CNTNAP2: variants seen among roughly 807,000 people sequenced by gnomAD.
CNTNAP2 encodes the protein contactin associated protein 2.
Under a neutral mutation model 155.2 loss-of-function variants are expected in CNTNAP2, and 98 were observed. The observed-to-expected ratio is 0.63, with a 90% CI of 0.54 to 0.75. The LOEUF (loss-of-function observed/expected upper bound fraction) is 0.75, where lower values mean the gene tolerates loss of function less well. Ranked by LOEUF, CNTNAP2 falls within the 30% of genes least tolerant of loss-of-function variation. The probability of loss-of-function intolerance (pLI) is 0.00; values close to 1 mark genes in which losing one functional copy is unlikely to be tolerated. For missense variants in CNTNAP2, 1,727 were observed against 1,688.1 expected, an observed-to-expected ratio of 1.02 and a Z score of -0.40; for synonymous variants, 651 against 631.2, an observed-to-expected ratio of 1.03 and a Z score of -0.47.
intron 13 of CNTNAP2, among the ~76,000 whole-genome samples, chr7:147,668,566 C>T (rs191079630): frequency 4.0e-5 from 6 of 151,868 alleles, no homozygotes; most frequent in Admixed American, 3.3e-4. Context: ...GCCTAGGCTA[C>T]TGTGTGTGTT....
chr7:147,225,791 G>GA (rs1246002438), intron 8 of CNTNAP2, among the ~76,000 whole-genome samples: 1 of 127,298 alleles, frequency 7.9e-6, no homozygotes, highest in African/African-American at 2.9e-5. Context: ...AGGAAGGAAG[G>GA]AAGGAAGGAA....
intron 15 of CNTNAP2, among the ~76,000 whole-genome samples, chr7:148,115,607 A>T (rs10272084): frequency 0.14 from 20,876 of 151,996 alleles, 1,551 homozygotes; most frequent in Admixed American, 0.18. Context: ...GCGAGAGCGT[A>T]GATTTAGGTT....
chr7:147,503,532 CCGT>C (rs1798855531), intron 11 of CNTNAP2, among the ~76,000 whole-genome samples: 1 of 152,114 alleles, frequency 6.6e-6, no homozygotes, highest in Non-Finnish European at 1.5e-5. Flanking sequence ...TTTCCCAGCT[CCGT>C]TATGCCATCC....
chr7:147,497,565 TTGTC>T (rs1281244539), intron 11 of CNTNAP2, among the ~76,000 whole-genome samples: 2 of 152,228 alleles, frequency 1.3e-5, no homozygotes, highest in African/African-American at 4.8e-5. Context: ...CTCTAAGAAT[TTGTC>T]TGTGAAGAGG....
chr7:147,177,790 G>A (rs1301041552), intron 8 of CNTNAP2, among the ~76,000 whole-genome samples: 1 of 151,988 alleles, frequency 6.6e-6, no homozygotes, highest in Non-Finnish European at 1.5e-5. Flanking sequence ...TCAGCACATG[G>A]GTAGGCTAAT....
chr7:148,396,424 C>A (rs1799469007), intron 22 of CNTNAP2, among the ~76,000 whole-genome samples: 1 of 152,154 alleles, frequency 6.6e-6, no homozygotes. Context: ...GAGCACAACA[C>A]CCTCTAAATT....
chr7:147,692,718 G>A (rs570389791), intron 13 of CNTNAP2, among the ~76,000 whole-genome samples: 2 of 152,066 alleles, frequency 1.3e-5, no homozygotes, highest in South Asian at 4.2e-4. Context: ...TGTTTTAAGA[G>A]GGCTTTTTTC....
intron 11 of CNTNAP2, among the ~76,000 whole-genome samples, chr7:147,503,065 C>T (rs565708633): frequency 6.6e-6 from 1 of 152,250 alleles, no homozygotes; most frequent in South Asian, 2.1e-4. Flanking sequence ...CTGGTCAAAA[C>T]AACAGAAATT....
chr7:146,355,644 TTCCTACTTAAA>T (rs1794986390), intron 1 of CNTNAP2, among the ~76,000 whole-genome samples: 1 of 152,314 alleles, frequency 6.6e-6, no homozygotes, highest in Admixed American at 6.5e-5. Flanking sequence ...TCCTGCTTAA[TTCCTACTTAAA>T]TACAGTTAGA....
At position 147,309,321 on chromosome 7, in the gene CNTNAP2, C is replaced by A. The variant is rs888261917; in HGVS notation, c.1498+9031C>A. ...AAAGCAAAAGCCAACTTTTTCTAAC[C>A]AAATGACTAACAATTTATTAAATTT... On this transcript the variant is annotated intron_variant, in intron 9 of 23. Transcript: ENST00000361727. 2.6e-5 allele frequency among the ~76,000 whole-genome samples: 4 copies of A among 152,052 alleles called. No individual in the cohort carries two copies. The South Asian group carries it at 8.3e-4, about 31-fold the overall frequency.
Position 148,365,815 on chromosome 7 carries a change from T to C in CNTNAP2, c.3476-17834T>C, listed in dbSNP as rs557137082. On this transcript the variant is annotated intron_variant, in intron 21 of 23. Transcript: ENST00000361727. Reference sequence around the variant, plus strand: ...GTATACATGCATGTGTATGCATGTATACATGCATGTGTATGCATGTATACA... The same window carrying C: ...GTATACATGCATGTGTATGCATGTACACATGCATGTGTATGCATGTATACA... Among the ~76,000 whole-genome samples the C allele has an allele frequency of 1.8e-4, 22 of 120,902 alleles. 1 individual carries two copies. The highest frequency in any genetic ancestry group is 7.2e-4 in the African/African-American group (22 of 30,578). 79.3% of individuals were successfully genotyped at this position (120,902 alleles called of 152,430 possible).
chr7:148,062,011 T>TGATAGAGAGAGAG (rs1554468163), intron 15 of CNTNAP2, among the ~76,000 whole-genome samples: 88 of 84,162 alleles, frequency 1.0e-3, no homozygotes, highest in African/African-American at 3.0e-3. Context: ...AGATAGATGA[T>TGATAGAGAGAGAG]AGAGAGAGAG....
intron 3 of CNTNAP2, among the ~76,000 whole-genome samples, chr7:147,033,235 C>G (rs2129250927): frequency 7.3e-6 from 1 of 136,520 alleles, no homozygotes; most frequent in South Asian, 2.3e-4. Flanking sequence ...CAATGTTTGA[C>G]ATGATTTTGC....
At chr7:146,508,237 T>A (rs553355371) in intron 1 of CNTNAP2, among the ~76,000 whole-genome samples, 8 of 152,290 alleles carry the variant, frequency 5.3e-5, no homozygotes, top group African/African-American at 1.9e-4. Context: ...CTGTCGGGGT[T>A]GTGGCAGGAC....
intron 13 of CNTNAP2, among the ~76,000 whole-genome samples, chr7:147,690,513 G>C (rs544483242): frequency 2.6e-5 from 4 of 152,138 alleles, no homozygotes; most frequent in African/African-American, 9.6e-5. Flanking sequence ...ATCATACATA[G>C]ACTCTTGCTT....
chr7:147,548,193 A>C (rs571341598), intron 11 of CNTNAP2, among the ~76,000 whole-genome samples: 82 of 152,328 alleles, frequency 5.4e-4, no homozygotes, highest in African/African-American at 1.6e-3. Flanking sequence ...TGTCTTCCAC[A>C]AGGGTTGAAC....
At chr7:147,317,148 C>A (rs981975842) in intron 9 of CNTNAP2, among the ~76,000 whole-genome samples, 4 of 152,206 alleles carry the variant, frequency 2.6e-5, no homozygotes, top group Non-Finnish European at 2.9e-5. Context: ...TCAGCTGTTT[C>A]ACTGCCACTG....
Position 147,362,975 on chromosome 7 carries a change from A to G in CNTNAP2, c.1499-32634A>G, listed in dbSNP as rs542381294. The stretch of plus-strand genomic sequence containing the variant: ...CAATATATGCTTTATCAAAGAGTCT[A>G]TTCAGTGATGACTGAATCAGATTTA... On this transcript the variant is annotated intron_variant, in intron 9 of 23. Coordinates refer to ENST00000361727, the MANE Select transcript of CNTNAP2 (RefSeq NM_014141.6). Among the ~76,000 whole-genome samples the G allele has an allele frequency of 3.3e-5, 5 of 152,346 alleles. No homozygotes were observed. The South Asian group carries it at 6.2e-4, about 19-fold the overall frequency.
At chr7:146,232,561 A>C (rs767397196) in intron 1 of CNTNAP2, among the ~76,000 whole-genome samples, 1 of 151,992 alleles carries the variant, frequency 6.6e-6, no homozygotes, top group African/African-American at 2.4e-5. Context: ...AGCCTATAAG[A>C]ATCTATTGTT....
Sources: allele counts gnomAD v4.1 joint callset (sites outside exome capture counted in the v4.1 genomes callset), GRCh38; gene constraint gnomAD v4.1.1; transcripts MANE v1.5; gene names NCBI Gene and HGNC (gene_info 2026-07-23, HGNC 2026-07-21).